The following MYO16 variants were observed in gnomAD, a reference collection of about 807,000 sequenced individuals.
MYO16 encodes the protein myosin XVI, also known as unconventional myosin-XVI.
A neutral mutation model predicts 205.3 loss-of-function variants in MYO16; 94 were observed. The observed-to-expected ratio is 0.46, with a 90% CI of 0.39 to 0.54. MYO16 has a LOEUF of 0.54. Ranked by LOEUF, MYO16 falls within the 20% of genes least tolerant of loss-of-function variation. The pLI is 0.00. For synonymous variants in MYO16, 988 were observed against 954.0 expected (o/e 1.04, Z -0.66); for missense variants, 2,315 against 2,387.5 (o/e 0.97, Z 0.63).
intron 2 of MYO16, among the ~76,000 whole-genome samples, chr13:108,703,943 T>A (rs1211415879): frequency 6.6e-6 from 1 of 152,158 alleles, no homozygotes; most frequent in African/African-American, 2.4e-5. Flanking sequence ...TCAAATCTAA[T>A]ATGACTGGTG....
intron 1 of MYO16, among the ~76,000 whole-genome samples, chr13:108,642,043 A>C (rs1310205070): frequency 6.6e-6 from 1 of 151,836 alleles, no homozygotes. Flanking sequence ...TCATCACTTA[A>C]CTCTTCTAGG....
At chr13:108,668,393 A>G (rs1881833570) in intron 2 of MYO16, among the ~76,000 whole-genome samples, 1 of 152,204 alleles carries the variant, frequency 6.6e-6, no homozygotes, top group African/African-American at 2.4e-5. Context: ...AATGCTGATT[A>G]CCTGGCTATA....
chr13:108,712,030 G>A (rs1462910382), intron 2 of MYO16, among the ~76,000 whole-genome samples: 1 of 152,160 alleles, frequency 6.6e-6, no homozygotes, highest in African/African-American at 2.4e-5. Flanking sequence ...ATACTCTGTG[G>A]CATTCTGTGT....
chr13:108,775,731 T>C (rs1886103546), intron 4 of MYO16, among the ~76,000 whole-genome samples: 1 of 152,184 alleles, frequency 6.6e-6, no homozygotes, highest in Non-Finnish European at 1.5e-5. Flanking sequence ...GCTAGAGTGA[T>C]GCCAAAAATC....
At chr13:108,592,906 T>C (rs934388875), upstream of MYO16, among the ~76,000 whole-genome samples, 1 of 152,060 alleles carries the variant, frequency 6.6e-6, no homozygotes, top group African/African-American at 2.4e-5. Flanking sequence ...TAATTGTTTG[T>C]TAAAATTTGT....
intron 27 of MYO16, among the ~76,000 whole-genome samples, chr13:109,093,627 G>T (rs1261538928): frequency 2.6e-5 from 4 of 152,094 alleles, no homozygotes; most frequent in Non-Finnish European, 5.9e-5. Flanking sequence ...CCTCCAGTTT[G>T]TTAGGTCAAA....
chr13:109,169,529 T>A (rs1324047247), intron 33 of MYO16, among the ~76,000 whole-genome samples: 3 of 151,802 alleles, frequency 2.0e-5, no homozygotes, highest in Non-Finnish European at 4.4e-5. Flanking sequence ...AAAGGGGACA[T>A]CAATACAGAT....
chr13:108,651,229 C>G (rs2139401386), intron 1 of MYO16, among the ~76,000 whole-genome samples: 1 of 152,242 alleles, frequency 6.6e-6, no homozygotes, highest in East Asian at 1.9e-4. Context: ...TTGGATATGA[C>G]TTTGGAGCTG....
intron 27 of MYO16, among the ~76,000 whole-genome samples, chr13:109,081,681 G>A (rs924100216): frequency 2.0e-5 from 3 of 152,172 alleles, no homozygotes; most frequent in Non-Finnish European, 4.4e-5. Flanking sequence ...ATGAAAAAAG[G>A]GATGGGCATG....
intron 9 of MYO16, among the ~76,000 whole-genome samples, chr13:108,832,356 G>A (rs1033439569): frequency 1.3e-5 from 2 of 151,520 alleles, no homozygotes; most frequent in Non-Finnish European, 2.9e-5. Context: ...TGGCCAGGCT[G>A]GTCTTGAACT....
intron 5 of MYO16, among the ~76,000 whole-genome samples, chr13:108,792,355 C>T (rs947597990): frequency 2.0e-5 from 3 of 152,074 alleles, no homozygotes; most frequent in Admixed American, 6.6e-5. Flanking sequence ...CTAAAGACAG[C>T]GCAGAGTTCC....
chr13:108,824,299 A>G (rs559865797), intron 9 of MYO16, among the ~76,000 whole-genome samples: 2 of 152,248 alleles, frequency 1.3e-5, no homozygotes, highest in East Asian at 3.9e-4. Context: ...TAAGACAAAC[A>G]TGGAAAACTT....
At chr13:108,783,394 T>C (rs916645898) in intron 4 of MYO16, among the ~76,000 whole-genome samples, 2 of 152,224 alleles carry the variant, frequency 1.3e-5, no homozygotes, top group Non-Finnish European at 2.9e-5. Flanking sequence ...ACCAGCATTA[T>C]ATCTAAGAAG....
chr13:109,044,191 C>A (rs1886968750), intron 23 of MYO16, among the ~76,000 whole-genome samples: 1 of 151,958 alleles, frequency 6.6e-6, no homozygotes, highest in Non-Finnish European at 1.5e-5. Context: ...AAATGCTAAG[C>A]CCTAAGTTTC....
Position 109,047,384 on chromosome 13 carries a change from A to G in MYO16, c.2872+393A>G, listed in dbSNP as rs568945175. ...GGAGCACAACTAAGGGTGGTATTTT[A>G]TTCTTATGTACTTTCAGTTATAAAA... On this transcript the variant is annotated intron_variant, in intron 24 of 34. Coordinates refer to ENST00000457511, the MANE Select transcript of MYO16 (RefSeq NM_001198950.3). Among the ~76,000 whole-genome samples, 10 of 152,270 alleles carry G rather than the reference A, an allele frequency of 6.6e-5. No individual in the cohort carries two copies. In the South Asian group the frequency reaches 2.1e-3, roughly 32 times the overall value.
chr13:108,848,285 T>A (rs1009484523), intron 10 of MYO16, among the ~76,000 whole-genome samples: 3 of 152,230 alleles, frequency 2.0e-5, no homozygotes, highest in Non-Finnish European at 4.4e-5. Flanking sequence ...CCACTCAACA[T>A]ATCCACAGGA....
At chr13:108,841,479 G>T (rs1009517955) in intron 9 of MYO16, among the ~76,000 whole-genome samples, 2 of 152,144 alleles carry the variant, frequency 1.3e-5, no homozygotes, top group African/African-American at 4.8e-5. Flanking sequence ...AAACCCAGGA[G>T]AAATTTTTGG....
At chr13:108,988,364 C>G (rs2139430693) in intron 20 of MYO16, among the ~76,000 whole-genome samples, 1 of 152,168 alleles carries the variant, frequency 6.6e-6, no homozygotes, top group East Asian at 1.9e-4. Flanking sequence ...CATGTTATGC[C>G]TGTCAGTAAT....
At chr13:108,953,754 C>T (rs1282454444) in intron 16 of MYO16, among the ~76,000 whole-genome samples, 1 of 151,508 alleles carries the variant, frequency 6.6e-6, no homozygotes, top group African/African-American at 2.4e-5. Flanking sequence ...TTTTTTAATT[C>T]CCATTTTAAG....
Sources: gnomAD v4.1 joint callset for allele counts (sites outside exome capture counted in the v4.1 genomes callset) on GRCh38, gnomAD v4.1.1 for gene constraint, MANE v1.5 for transcripts, NCBI Gene and HGNC (gene_info 2026-07-23, HGNC 2026-07-21) for gene names.